Variants in NBAS observed in about 807,000 individuals in gnomAD.
The protein encoded by NBAS is NBAS subunit of NRZ tethering complex.
NBAS carries 219 observed loss-of-function variants against 302.5 expected under a neutral mutation model. The observed-to-expected ratio is 0.72, with a 90% CI of 0.65 to 0.81. The LOEUF (loss-of-function observed/expected upper bound fraction) is 0.81, where lower values mean the gene tolerates loss of function less well. Ranked by LOEUF, NBAS falls within the 30% of genes least tolerant of loss-of-function variation. The probability of loss-of-function intolerance (pLI) is 0.00; values close to 1 mark genes in which losing one functional copy is unlikely to be tolerated. For missense variants in NBAS, 2,932 were observed against 2,841.6 expected (o/e 1.03, Z -0.72); for synonymous variants, 1,118 against 1,021.6 (o/e 1.09, Z -1.80).
chr2:14,867,630 CATTA>C, the NBAS span, among the ~76,000 whole-genome samples: 1 of 152,130 alleles, frequency 6.6e-6, no homozygotes, highest in African/African-American at 2.4e-5. Flanking sequence ...GAACGGTTAT[CATTA>C]ATTAGAATAT....
the NBAS span, among the ~76,000 whole-genome samples, chr2:15,059,163 C>G: frequency 2.0e-5 from 3 of 152,124 alleles, no homozygotes; most frequent in Non-Finnish European, 4.4e-5. Context: ...TGCAGAGGAA[C>G]GTGGATTCTT....
At chr2:14,894,169 A>C in the NBAS span, among the ~76,000 whole-genome samples, 1 of 152,210 alleles carries the variant, frequency 6.6e-6, no homozygotes. Context: ...GCTTTCATAC[A>C]TACCTTCTCA....
intron 46 of NBAS, 126 bp from the exon 47 acceptor site, chr2:15,232,637 T>C (rs962902315): frequency 9.8e-5 from 77 of 782,858 alleles, no homozygotes; most frequent in African/African-American, 9.4e-4. Flanking sequence ...CCATAGTCAT[T>C]TGTGCTATGT....
chr2:14,786,650 C>G, the NBAS span, among the ~76,000 whole-genome samples: 2 of 152,098 alleles, frequency 1.3e-5, no homozygotes, highest in African/African-American at 4.8e-5. Flanking sequence ...GTTTCTTAAT[C>G]CTGAGTTCTA....
chr2:14,852,409 C>A, the NBAS span, among the ~76,000 whole-genome samples: 2 of 83,746 alleles, frequency 2.4e-5, 1 homozygote, highest in Non-Finnish European at 4.6e-5. Context: ...GAACTACAAA[C>A]CACTGCTCAA....
chr2:14,839,446 C>T, the NBAS span, among the ~76,000 whole-genome samples: 1 of 152,032 alleles, frequency 6.6e-6, no homozygotes, highest in Non-Finnish European at 1.5e-5. Flanking sequence ...TCCCTGAGGA[C>T]AGCCAGAGAC....
chr2:15,252,355 G>A (rs369655376), intron 44 of NBAS, among the ~76,000 whole-genome samples: 10 of 152,022 alleles, frequency 6.6e-5, no homozygotes, highest in African/African-American at 4.8e-5. Flanking sequence ...AAAATTAGCC[G>A]GGCGTGGTGG....
At chr2:15,356,181 G>A in intron 33 of NBAS, 122 bp downstream of exon 33, 1 of 777,948 alleles carries the variant, frequency 1.3e-6, no homozygotes, top group Non-Finnish European at 2.3e-6. Flanking sequence ...CTCATAAAAT[G>A]TATCTCAAGC....
chr2:15,359,107 T>C (rs1673772261), intron 32 of NBAS, among the ~76,000 whole-genome samples: 1 of 152,200 alleles, frequency 6.6e-6, no homozygotes, highest in Non-Finnish European at 1.5e-5. Flanking sequence ...CAGAACCTTC[T>C]ATACTTTCCC....
At chr2:15,375,433 C>G (rs570606617) in intron 30 of NBAS, among the ~76,000 whole-genome samples, 1 of 152,092 alleles carries the variant, frequency 6.6e-6, no homozygotes, top group East Asian at 1.9e-4. Context: ...CAGGCGGTAA[C>G]GGGCTCATGA....
chr2:15,403,061 T>C (rs771321458), intron 25 of NBAS, among the ~76,000 whole-genome samples: 25 of 150,508 alleles, frequency 1.7e-4, no homozygotes, highest in Non-Finnish European at 3.4e-4. Context: ...TGCATGCTTA[T>C]ATTATTAGCA....
the NBAS span, among the ~76,000 whole-genome samples, chr2:14,788,229 T>G: frequency 6.6e-6 from 1 of 152,190 alleles, no homozygotes; most frequent in Non-Finnish European, 1.5e-5. Flanking sequence ...TCGTCTAAAT[T>G]TTTTTCAAAG....
chr2:15,144,037 C>CTCTATATATATATA, the NBAS span, among the ~76,000 whole-genome samples: 1 of 45,890 alleles, frequency 2.2e-5, no homozygotes, highest in Non-Finnish European at 3.6e-5. Context: ...ATATATTATC[C>CTCTATATATATATA]TATATATAAA....
At chr2:15,302,334 G>T (rs1245503489) in intron 40 of NBAS, among the ~76,000 whole-genome samples, 1 of 152,210 alleles carries the variant, frequency 6.6e-6, no homozygotes, top group Non-Finnish European at 1.5e-5. Context: ...TCATGCCCAT[G>T]TGCTATCTCA....
chr2:15,006,609 C>T, the NBAS span, among the ~76,000 whole-genome samples: 1 of 152,096 alleles, frequency 6.6e-6, no homozygotes, highest in Non-Finnish European at 1.5e-5. Flanking sequence ...GGTGATAAGA[C>T]TAAAGTCAAT....
chr2:14,971,454 G>T, the NBAS span, among the ~76,000 whole-genome samples: 3 of 152,184 alleles, frequency 2.0e-5, no homozygotes, highest in Admixed American at 1.3e-4. Flanking sequence ...GACGGAGGTT[G>T]CAGTGAGCCA....
chr2:15,480,392 G>A (rs749591791), intron 12 of NBAS, among the ~76,000 whole-genome samples: 5 of 149,912 alleles, frequency 3.3e-5, no homozygotes, highest in Non-Finnish European at 5.9e-5. Flanking sequence ...AAAAAAAACC[G>A]ATATTGCAGT....
At chr2:14,786,113 G>T in the NBAS span, among the ~76,000 whole-genome samples, 658 of 152,276 alleles carry the variant, frequency 4.3e-3, 8 homozygotes, top group African/African-American at 0.015. Flanking sequence ...TTGAGTAGAG[G>T]TGTTTGTAGT....
intron 47 of NBAS, among the ~76,000 whole-genome samples, chr2:15,224,515 CA>C (rs1667077890): frequency 6.6e-6 from 1 of 152,104 alleles, no homozygotes; most frequent in South Asian, 2.1e-4. Context: ...AACTGGCAAC[CA>C]GATTTTGTGG....
Sources: allele counts gnomAD v4.1 joint callset (sites outside exome capture counted in the v4.1 genomes callset), GRCh38; gene constraint gnomAD v4.1.1; transcripts MANE v1.5; gene names NCBI Gene and HGNC (gene_info 2026-07-23, HGNC 2026-07-21).